Variants in ANK1 observed in about 807,000 individuals in gnomAD.
The protein encoded by ANK1 is ankyrin-1.
Under a neutral mutation model 210.4 loss-of-function variants are expected in ANK1, and 51 were observed. That is an observed-to-expected ratio of 0.24 (90% CI 0.19 to 0.31). The LOEUF is 0.31. Among genes scored for constraint, ANK1 ranks in the 10% least tolerant of loss-of-function variants. The pLI is 1.00. For missense variants in ANK1, 2,051 were observed against 2,504.4 expected (o/e 0.82, Z 3.86); for synonymous variants, 967 against 1,025.9 (o/e 0.94, Z 1.10).
chr8:41,713,641 T>C (rs1340186774), intron 16 of ANK1, among the ~76,000 whole-genome samples: 1 of 152,260 alleles, frequency 6.6e-6, no homozygotes, highest in Non-Finnish European at 1.5e-5. Flanking sequence ...AAGAGGTCTC[T>C]TGTTTCCAGG....
In ANK1 at chr8:41,723,136, C is replaced by T. The variant is rs1461891323; in HGVS notation, c.898G>A (p.Ala300Thr). The T allele has an allele frequency of 2.3e-5, 37 of 1,614,042 alleles. No individual in the cohort carries two copies. Among genetic ancestry groups the T allele is most frequent in the Non-Finnish European group, 2.9e-5 (34 of 1,180,040 alleles). The change falls in exon 9 of 43, where the codon GCC (alanine) becomes ACC (threonine). Residue 300 changes from alanine (A) to threonine (T), a missense_variant. Around this residue, in one of 6 missense-constraint regions of ANK1, gnomAD observed 1,413 missense variants for 1,707.4 expected, o/e 0.83. Transcript: ENST00000289734. ...ILLDHGAPIQ[A>T]KTKNGLSPIH... ...AAGGAAGTACACACCTTGGTTTTGG[C>T]TTGGATTGGTGCCCCGTGGTCCAGC...
intron 1 of ANK1, among the ~76,000 whole-genome samples, chr8:41,793,564 G>C (rs909772736): frequency 6.6e-6 from 1 of 152,212 alleles, no homozygotes; most frequent in African/African-American, 2.4e-5. Flanking sequence ...GAATGGATTA[G>C]AGGGAGTGAG....
chr8:41,692,892 A>C lies in ANK1; in HGVS notation c.3630-16T>G, dbSNP rs547030549. On this transcript the variant is annotated splice_polypyrimidine_tract_variant and intron_variant, in intron 30 of 42. Coordinates refer to ENST00000289734, the MANE Select transcript of ANK1 (RefSeq NM_000037.4). ...CAGCCAAAACCTAAAAAGTAGGGCG[A>C]GTTATGTGTTCCCAAGTGCCCAACA... 1.9e-6 allele frequency: 3 copies of C among 1,610,538 alleles called. No homozygotes were observed. The highest frequency in any genetic ancestry group is 2.5e-6 in the Non-Finnish European group (3 of 1,177,020).
At chr8:41,888,292 C>A (rs941206004) in intron 1 of ANK1, among the ~76,000 whole-genome samples, 1 of 152,208 alleles carries the variant, frequency 6.6e-6, no homozygotes, top group Non-Finnish European at 1.5e-5. Context: ...CAAGAAGGGG[C>A]CCCTGTTGGC....
chr8:41,752,186 G>T (rs934352246), intron 2 of ANK1, among the ~76,000 whole-genome samples: 1 of 152,116 alleles, frequency 6.6e-6, no homozygotes, highest in Non-Finnish European at 1.5e-5. Flanking sequence ...CCCATCAGCT[G>T]ACTTCATGTA....
chr8:41,719,617 C>T (rs765116027), intron 10 of ANK1, 44 bp downstream of exon 10: 21 of 1,612,512 alleles, frequency 1.3e-5, no homozygotes, highest in Non-Finnish European at 1.7e-5. Flanking sequence ...TGCCCCCAGC[C>T]TGCCCTGCCA....
intron 6 of ANK1, 61 bp from the exon 7 acceptor site, chr8:41,724,615 G>A: frequency 6.8e-7 from 1 of 1,475,518 alleles, no homozygotes. Flanking sequence ...CTCAGAATCA[G>A]CCCTGGGATG....
intron 1 of ANK1, among the ~76,000 whole-genome samples, chr8:41,782,854 C>T (rs747775376): frequency 2.6e-5 from 4 of 152,198 alleles, no homozygotes; most frequent in Non-Finnish European, 5.9e-5. Flanking sequence ...ATTTCATTAA[C>T]TTGATCATTA....
intron 1 of ANK1, among the ~76,000 whole-genome samples, chr8:41,815,890 C>G (rs1270410721): frequency 6.6e-6 from 1 of 151,954 alleles, no homozygotes; most frequent in Non-Finnish European, 1.5e-5. Context: ...ATTTAAGAAC[C>G]CAAAGGTAAA....
intron 37 of ANK1, among the ~76,000 whole-genome samples, chr8:41,676,870 G>A (rs1253656884): frequency 6.6e-6 from 1 of 152,112 alleles, no homozygotes; most frequent in Non-Finnish European, 1.5e-5. Flanking sequence ...GGGTAATGCT[G>A]GCCTCATAAA....
At position 41,780,768 on chromosome 8, in the gene ANK1, G is replaced by C. The variant is rs559312284; in HGVS notation, c.27+16744C>G. 2.0e-5 allele frequency among the ~76,000 whole-genome samples: 3 copies of C among 152,342 alleles called. No individual in the cohort carries two copies. In the East Asian group the frequency reaches 5.8e-4, roughly 29 times the overall value. On this transcript the variant is annotated intron_variant, in intron 1 of 42. Coordinates refer to ENST00000289734, the MANE Select transcript of ANK1 (RefSeq NM_000037.4). ...TGTGCACGAGTGTGTGCATGTATGA[G>C]TTTGTATTTGTGTATATATGTTCTC...
At chr8:41,702,469 G>C (rs1431833880) in intron 20 of ANK1, among the ~76,000 whole-genome samples, 1 of 152,202 alleles carries the variant, frequency 6.6e-6, no homozygotes. Context: ...CACTGGGAAG[G>C]AGGTCAGGAA....
chr8:41,749,065 A>G (rs778615107), intron 2 of ANK1, among the ~76,000 whole-genome samples: 5 of 151,926 alleles, frequency 3.3e-5, no homozygotes, highest in Non-Finnish European at 7.4e-5. Context: ...ATGAATGATT[A>G]CACGGACAAA....
At chr8:41,683,801 C>A (rs932496926) in intron 37 of ANK1, among the ~76,000 whole-genome samples, 1 of 152,086 alleles carries the variant, frequency 6.6e-6, no homozygotes, top group Non-Finnish European at 1.5e-5. Context: ...AGAGAGGGGG[C>A]GGGCGAGGAA....
At chr8:41,724,010 G>A (rs893832267) in intron 7 of ANK1, among the ~76,000 whole-genome samples, 13 of 151,636 alleles carry the variant, frequency 8.6e-5, no homozygotes, top group African/African-American at 3.2e-4. Flanking sequence ...GGATGGTCTC[G>A]ATCTCCTGAC....
rs1371883109 is a variant in ANK1 at position 41,694,993 on chromosome 8, CT to C, written c.3115+183del. Among the ~76,000 whole-genome samples, 39 of 152,334 alleles carry C rather than the reference CT, an allele frequency of 2.6e-4. No individual in the cohort carries two copies. Among genetic ancestry groups the C allele is most frequent in the Admixed American group, 1.9e-3 (29 of 15,312 alleles). On this transcript the variant is annotated intron_variant, in intron 27 of 42. Transcript: ENST00000289734. This position sits in a 1 kb window ranked among gnomAD's most constrained non-coding sequence, Gnocchi z 5.7. ...CAGAGGCCCAGCAGAGCAGATGCGG[CT>C]GCAGGCAGCCGCTGAGCATCCTCTC...
intron 1 of ANK1, among the ~76,000 whole-genome samples, chr8:41,795,990 A>G (rs1215782071): frequency 3.3e-5 from 5 of 152,238 alleles, no homozygotes; most frequent in African/African-American, 1.2e-4. Flanking sequence ...GTCAGTACAC[A>G]TTCTATGCAT....
intron 12 of ANK1, among the ~76,000 whole-genome samples, 170 bp from the exon 13 acceptor site, chr8:41,717,221 A>ATGTATGTG (rs1320209645): frequency 6.6e-6 from 1 of 152,162 alleles, no homozygotes; most frequent in East Asian, 1.9e-4. Context: ...GTGCATGAGC[A>ATGTATGTG]TGTATGTGTG....
In ANK1 at chr8:41,724,461, G is replaced by T. The variant is rs1217258888; in HGVS notation, c.706C>A (p.Pro236Thr). 6.3e-7 allele frequency: 1 copy of T among 1,580,424 alleles called. No homozygotes were observed. Among genetic ancestry groups the T allele is most frequent in the Admixed American group, 1.8e-5 (1 of 55,452 alleles). ...LNRGASVNFTPQNGITPLHIA... is the reference protein window; with the variant it reads ...LNRGASVNFTTQNGITPLHIA... ...CGCACGTGCCCCAGGGTTACCTGTG[G>T]TGTGAAATTGACGCTGGCTCCTCTG... Residue 236 changes from proline (P) to threonine (T), a missense_variant, in exon 7 of 43, where the codon CCA becomes ACA. Around this residue, in one of 6 missense-constraint regions of ANK1, gnomAD observed 1,413 missense variants for 1,707.4 expected, o/e 0.83. Coordinates refer to ENST00000289734, the MANE Select transcript of ANK1 (RefSeq NM_000037.4).
Sources: gnomAD v4.1 joint callset for allele counts (sites outside exome capture counted in the v4.1 genomes callset) on GRCh38, gnomAD v4.1.1 for gene constraint, gnomAD v4.1.1 regional missense constraint, Gnocchi (gnomAD v3.1) non-coding constraint, MANE v1.5 for transcripts, NCBI Gene and HGNC (gene_info 2026-07-23, HGNC 2026-07-21) for gene names.